Variants in CRPPA observed in about 807,000 individuals in gnomAD.
CRPPA encodes the protein D-ribitol-5-phosphate cytidylyltransferase.
CRPPA carries 43 observed loss-of-function variants against 52.0 expected under a neutral mutation model. That is an observed-to-expected ratio of 0.83 (90% confidence interval 0.65 to 1.07). CRPPA has a LOEUF of 1.07. CRPPA is among the 50% of genes least tolerant of loss of function. The pLI, the probability that CRPPA is intolerant of heterozygous loss-of-function variation, is 0.00. For missense variants in CRPPA, 629 were observed against 551.7 expected (o/e 1.14, Z -1.40); for synonymous variants, 250 against 203.5 (o/e 1.23, Z -1.94).
intron 2 of CRPPA, among the ~76,000 whole-genome samples, chr7:16,399,451 T>C (rs564909032): frequency 6.2e-4 from 95 of 152,138 alleles, no homozygotes; most frequent in Middle Eastern, 3.4e-3. Context: ...ATGTCCAACA[T>C]GTGACTGATA....
In CRPPA at chr7:16,299,320, G is replaced by A. The variant is rs376906877; in HGVS notation, c.835+2101C>T. On this transcript the variant is annotated intron_variant, in intron 5 of 9. Transcript: ENST00000407010. The stretch of plus-strand genomic sequence containing the variant: ...GTGAGCAAACAAGCATTTGCAGCTG[G>A]GAGAGCATCGTAAGACTTAAAGCTC... 6.4e-4 allele frequency among the ~76,000 whole-genome samples: 97 copies of A among 152,178 alleles called. 1 individual carries two copies. Among genetic ancestry groups the A allele is most frequent in the African/African-American group, 2.3e-3 (96 of 41,514 alleles).
rs563715797 is a variant in CRPPA, at chr7:16,243,031, A to T, written c.1119+15359T>A. 2.0e-5 allele frequency among the ~76,000 whole-genome samples: 3 copies of T among 152,316 alleles called. No homozygotes were observed. The South Asian group carries it at 6.2e-4, about 32-fold the overall frequency. On this transcript the variant is annotated intron_variant, in intron 8 of 9. Coordinates refer to ENST00000407010, the MANE Select transcript of CRPPA (RefSeq NM_001101426.4). Reference sequence around the variant, plus strand: ...ATGGTTTGGGTCTGTGTTCCCACCCAAATCTCATTTCAAATTGTAATTCCC... The same window carrying T: ...ATGGTTTGGGTCTGTGTTCCCACCCTAATCTCATTTCAAATTGTAATTCCC...
chr7:16,365,255 T>C (rs1453567332), intron 3 of CRPPA, among the ~76,000 whole-genome samples: 1 of 152,178 alleles, frequency 6.6e-6, no homozygotes, highest in African/African-American at 2.4e-5. Context: ...CAGAGGGAGA[T>C]GTCAGATGAA....
Position 16,360,459 on chromosome 7 carries a change from C to T in CRPPA, c.684+15633G>A, listed in dbSNP as rs1786415093. Among the ~76,000 whole-genome samples the T allele has an allele frequency of 4.6e-5, 7 of 152,224 alleles. No individual in the cohort carries two copies. The South Asian group carries it at 1.5e-3, about 32-fold the overall frequency. On this transcript the variant is annotated intron_variant, in intron 3 of 9. Transcript: ENST00000407010. ...TTGGAGGTCTTATACTTCCTCATTT[C>T]AAATGTTACTATAAAATCACACTAA...
intron 8 of CRPPA, among the ~76,000 whole-genome samples, chr7:16,228,807 T>G (rs1200691193): frequency 6.6e-6 from 1 of 151,996 alleles, no homozygotes; most frequent in Non-Finnish European, 1.5e-5. Context: ...GTATGTCTGT[T>G]ATGTCTATTT....
intron 3 of CRPPA, among the ~76,000 whole-genome samples, chr7:16,338,114 T>A (rs1413500256): frequency 6.6e-6 from 1 of 152,002 alleles, no homozygotes; most frequent in Non-Finnish European, 1.5e-5. Flanking sequence ...AGCAAACCAA[T>A]TGGGAATGAC....
At chr7:16,254,804 A>AGAAAGAAAGAAAGAAAGAAAGAAG (rs1783578949) in intron 8 of CRPPA, among the ~76,000 whole-genome samples, 2 of 134,708 alleles carry the variant, frequency 1.5e-5, no homozygotes, top group African/African-American at 5.5e-5. Flanking sequence ...AAAGAAAGAA[A>AGAAAGAAAGAAAGAAAGAAAGAAG]GAAAGAAAGA....
intron 4 of CRPPA, among the ~76,000 whole-genome samples, chr7:16,306,582 C>G (rs758753648): frequency 5.3e-5 from 8 of 152,142 alleles, no homozygotes; most frequent in Non-Finnish European, 1.2e-4. Context: ...GGTAAATAAT[C>G]ACAGCTCCAA....
intron 3 of CRPPA, 34 bp from the exon 4 acceptor site, chr7:16,308,661 T>C (rs1784969342): frequency 7.9e-7 from 1 of 1,259,212 alleles, no homozygotes; most frequent in Non-Finnish European, 1.1e-6. Flanking sequence ...ACAATTAAGC[T>C]AAAATGCGAT....
intron 6 of CRPPA, among the ~76,000 whole-genome samples, chr7:16,259,912 G>A (rs1783750544): frequency 6.6e-6 from 1 of 151,986 alleles, no homozygotes; most frequent in Non-Finnish European, 1.5e-5. Context: ...TGGAGAATGA[G>A]AAAGGAAAGT....
At chr7:16,094,159 ACTT>A (rs1382899803) in intron 9 of CRPPA, among the ~76,000 whole-genome samples, 1 of 152,180 alleles carries the variant, frequency 6.6e-6, no homozygotes, top group African/African-American at 2.4e-5. Context: ...AGATTAATTT[ACTT>A]CTTCAATTTT....
chr7:16,254,416 T>G (rs1295158), intron 8 of CRPPA, among the ~76,000 whole-genome samples: 3 of 151,408 alleles, frequency 2.0e-5, no homozygotes, highest in East Asian at 1.9e-4. Context: ...CCATAAAAAA[T>G]GATGAGTTCA....
intron 5 of CRPPA, among the ~76,000 whole-genome samples, chr7:16,300,860 T>C (rs1399196276): frequency 1.3e-5 from 2 of 152,220 alleles, no homozygotes; most frequent in African/African-American, 4.8e-5. Context: ...TTAAATAAAC[T>C]ACCTCTATTT....
intron 2 of CRPPA, among the ~76,000 whole-genome samples, chr7:16,399,231 T>C (rs746655798): frequency 3.1e-4 from 47 of 152,132 alleles, no homozygotes; most frequent in South Asian, 8.3e-4. Context: ...AGACACGTGA[T>C]TGACAGGATT....
At chr7:16,224,563 A>T (rs994119378) in intron 8 of CRPPA, among the ~76,000 whole-genome samples, 23 of 152,300 alleles carry the variant, frequency 1.5e-4, no homozygotes, top group African/African-American at 3.6e-4. Flanking sequence ...ACTTCTTATT[A>T]TGAGTTAGAA....
At chr7:16,328,912 A>G (rs1785481814) in intron 3 of CRPPA, among the ~76,000 whole-genome samples, 1 of 152,208 alleles carries the variant, frequency 6.6e-6, no homozygotes, top group African/African-American at 2.4e-5. Context: ...CAACTATCAA[A>G]TAACAGCACA....
At chr7:16,145,555 A>G (rs1278466425) in intron 9 of CRPPA, among the ~76,000 whole-genome samples, 1 of 152,210 alleles carries the variant, frequency 6.6e-6, no homozygotes, top group Non-Finnish European at 1.5e-5. Flanking sequence ...AATAAGCTAC[A>G]AGAGAATGTG....
intron 2 of CRPPA, among the ~76,000 whole-genome samples, chr7:16,393,964 T>A (rs1248364454): frequency 6.6e-6 from 1 of 151,862 alleles, no homozygotes; most frequent in African/African-American, 2.4e-5. Context: ...AACAAAATGC[T>A]AAATTTAAAC....
At chr7:16,392,730 T>G (rs1220719986) in intron 2 of CRPPA, among the ~76,000 whole-genome samples, 1 of 152,168 alleles carries the variant, frequency 6.6e-6, no homozygotes, top group East Asian at 1.9e-4. Flanking sequence ...TAATAGTTTC[T>G]CAATACTATA....
Sources: gnomAD v4.1 joint callset for allele counts (sites outside exome capture counted in the v4.1 genomes callset) on GRCh38, gnomAD v4.1.1 for gene constraint, MANE v1.5 for transcripts, NCBI Gene and HGNC (gene_info 2026-07-23, HGNC 2026-07-21) for gene names.